Variants in KALRN observed in about 807,000 individuals in gnomAD.
KALRN encodes kalirin RhoGEF kinase.
A neutral mutation model predicts 353.7 loss-of-function variants in KALRN; 70 were observed. The ratio of observed to expected loss-of-function variants is 0.20; its 90% CI spans 0.16 to 0.24. The LOEUF is 0.24. KALRN is among the 10% of genes least tolerant of loss of function. The pLI, the probability that KALRN is intolerant of heterozygous loss-of-function variation, is 1.00. For synonymous variants in KALRN, 1,391 were observed against 1,434.8 expected, an observed-to-expected ratio of 0.97 and a Z score of 0.69; for missense variants, 2,791 against 3,756.7, an observed-to-expected ratio of 0.74 and a Z score of 6.72.
At chr3:124,175,478 T>C (rs112635788) in intron 1 of KALRN, among the ~76,000 whole-genome samples, 13,390 of 150,658 alleles carry the variant, frequency 0.089, 716 homozygotes, top group Middle Eastern at 0.18. Flanking sequence ...CTGCCGAGTG[T>C]CCAGGCCTGA....
At chr3:124,477,486 G>A (rs1415079966) in intron 27 of KALRN, 152 bp downstream of exon 27, 2 of 623,650 alleles carry the variant, frequency 3.2e-6, no homozygotes, top group Non-Finnish European at 5.6e-6. Context: ...AGCAAAAACA[G>A]TATATGTCTG....
At chr3:124,268,595 A>G in intron 4 of KALRN, 148 bp from the exon 5 acceptor site, 1 of 744,842 alleles carries the variant, frequency 1.3e-6, no homozygotes, top group Admixed American at 2.5e-5. Flanking sequence ...ACTCCTGACC[A>G]GTGAGTCCCA....
intron 10 of KALRN, among the ~76,000 whole-genome samples, chr3:124,350,923 T>C (rs1348159283): frequency 6.6e-6 from 1 of 152,084 alleles, no homozygotes; most frequent in African/African-American, 2.4e-5. Context: ...GATCTTGTAG[T>C]TGGGGAATTA....
At chr3:124,442,138 C>A in intron 19 of KALRN, 79 bp downstream of exon 19, 1 of 750,030 alleles carries the variant, frequency 1.3e-6, no homozygotes, top group Non-Finnish European at 2.0e-6. Flanking sequence ...CCAGTTTTCA[C>A]ACAATCTCAA....
At chr3:124,425,520 GTCTGAGGTCAGCAGGGC>G (rs1316714246) in intron 15 of KALRN, among the ~76,000 whole-genome samples, 1 of 152,182 alleles carries the variant, frequency 6.6e-6, no homozygotes, top group Non-Finnish European at 1.5e-5. Context: ...GGTGGCACCT[GTCTGAGGTCAGCAGGGC>G]TCCAGCAGGT....
rs528986974 is a variant in KALRN at position 124,637,164 on chromosome 3, T to A, written c.5569-44T>A. On this transcript the variant is annotated intron_variant, in intron 36 of 59. Transcript: ENST00000682506. ...TTTATTTCCTGATCACTGTTCCTTA[T>A]TCTTTGCTAATCTGCTTTTCCTCTG... 7 of 1,450,660 alleles carry A rather than the reference T, an allele frequency of 4.8e-6. No individual in the cohort carries two copies. In the South Asian group the frequency reaches 8.0e-5, roughly 17 times the overall value. The allele number at this position is 1,450,660 out of a possible 1,614,324, so 89.9% of individuals were successfully genotyped here. A position where few individuals can be genotyped will look rare whatever the true frequency, so the allele number is the denominator to read the frequency against.
At chr3:124,535,103 A>G (rs2068396800) in intron 33 of KALRN, among the ~76,000 whole-genome samples, 1 of 152,168 alleles carries the variant, frequency 6.6e-6, no homozygotes, top group Non-Finnish European at 1.5e-5. Context: ...CTCAAAAAAT[A>G]TAAAAATTAA....
intron 7 of KALRN, among the ~76,000 whole-genome samples, chr3:124,326,469 T>C (rs1188522308): frequency 6.6e-6 from 1 of 152,216 alleles, no homozygotes. Context: ...TGTGCATGTG[T>C]GGACTGTCTG....
At chr3:124,193,499 A>C (rs768719458) in intron 1 of KALRN, among the ~76,000 whole-genome samples, 5 of 151,336 alleles carry the variant, frequency 3.3e-5, no homozygotes, top group Non-Finnish European at 7.4e-5. Flanking sequence ...ACCCTGAAAG[A>C]TGTACTCTTT....
chr3:124,047,276 T>G (rs1421506466), intron 1 of KALRN, among the ~76,000 whole-genome samples: 1 of 152,196 alleles, frequency 6.6e-6, no homozygotes, highest in Admixed American at 6.5e-5. Context: ...CTAATGAAAA[T>G]GGCTATCACA....
At chr3:124,190,726 T>C (rs537387002) in intron 1 of KALRN, among the ~76,000 whole-genome samples, 1 of 152,284 alleles carries the variant, frequency 6.6e-6, no homozygotes, top group East Asian at 1.9e-4. Flanking sequence ...AATGAAAATG[T>C]TTTTCCTAGT....
Position 124,492,888 on chromosome 3 carries a change from C to G in KALRN, c.4832+6C>G, listed in dbSNP as rs777457334. 32 of 1,613,472 alleles carry G rather than the reference C, an allele frequency of 2.0e-5. No individual in the cohort carries two copies. The highest frequency in any genetic ancestry group is 2.5e-5 in the Non-Finnish European group (29 of 1,179,600). ...CAGAGGAACAATAGTAAGAGGTAAC[C>G]AGCACCTCTCCCTCCAGCACTGCCT... On this transcript the variant is annotated splice_donor_region_variant and intron_variant, in intron 32 of 59. Coordinates refer to ENST00000682506, the MANE Select transcript of KALRN (RefSeq NM_001388419.1).
intron 6 of KALRN, among the ~76,000 whole-genome samples, chr3:124,303,444 A>G (rs1373845595): frequency 2.0e-5 from 3 of 152,132 alleles, no homozygotes; most frequent in Non-Finnish European, 4.4e-5. Context: ...CCTTTTGCAT[A>G]AATTTTCCTT....
intron 3 of KALRN, among the ~76,000 whole-genome samples, chr3:124,261,305 C>G (rs1442059923): frequency 6.6e-6 from 1 of 152,104 alleles, no homozygotes; most frequent in African/African-American, 2.4e-5. Context: ...ATAACCATAC[C>G]TAGTTTATGA....
Position 124,678,477 on chromosome 3 carries a change from T to C in KALRN, c.7317+164T>C, listed in dbSNP as rs563212560. 38 of 643,548 alleles carry C rather than the reference T, an allele frequency of 5.9e-5. No homozygotes were observed. In the African/African-American group the frequency reaches 6.4e-4, roughly 11 times the overall value. The allele number at this position is 643,548 out of a possible 1,614,324, so 39.9% of individuals were successfully genotyped here. ...ATTTTGCATGCAAGATCAATTTATT[T>C]TTTATCTTTTATTTCTCCTGGCAAC... is the stretch of plus-strand genomic sequence containing the variant. On this transcript the variant is annotated intron_variant, in intron 50 of 59. Transcript: ENST00000682506.
intron 49 of KALRN, 94 bp downstream of exon 49, chr3:124,674,708 G>A (rs2086952464): frequency 1.5e-6 from 2 of 1,307,570 alleles, no homozygotes; most frequent in South Asian, 3.1e-5. Context: ...ACACATGGTA[G>A]GGAATTACTA....
At chr3:124,640,442 G>A (rs1349607096) in intron 37 of KALRN, among the ~76,000 whole-genome samples, 1 of 151,690 alleles carries the variant, frequency 6.6e-6, no homozygotes, top group Non-Finnish European at 1.5e-5. Flanking sequence ...ACACCACCAT[G>A]CCTGGCTAAT....
At chr3:124,677,285 G>T (rs914941116) in intron 49 of KALRN, 13 of 203,744 alleles carry the variant, frequency 6.4e-5, no homozygotes, top group African/African-American at 3.1e-4. Context: ...CCTGCTCAGG[G>T]TCACTGATGC....
intron 6 of KALRN, among the ~76,000 whole-genome samples, chr3:124,307,375 T>G (rs2077806659): frequency 6.6e-6 from 1 of 152,078 alleles, no homozygotes; most frequent in Non-Finnish European, 1.5e-5. Flanking sequence ...GTAATCCTCC[T>G]TTTTTGTCTC....
Sources: allele counts gnomAD v4.1 joint callset (sites outside exome capture counted in the v4.1 genomes callset), GRCh38; gene constraint gnomAD v4.1.1; transcripts MANE v1.5; gene names NCBI Gene and HGNC (gene_info 2026-07-23, HGNC 2026-07-21).